Variants in PTPRE observed in about 807,000 individuals in gnomAD.
PTPRE encodes receptor-type tyrosine-protein phosphatase epsilon.
A neutral mutation model predicts 102.0 loss-of-function variants in PTPRE; 51 were observed. The observed-to-expected ratio is 0.50, with a 90% CI of 0.40 to 0.63. The LOEUF is 0.63. Ranked by LOEUF, PTPRE falls within the 30% of genes least tolerant of loss-of-function variation. The probability of loss-of-function intolerance (pLI) is 0.00; values close to 1 mark genes in which losing one functional copy is unlikely to be tolerated. For synonymous variants in PTPRE, 345 were observed against 348.2 expected, an observed-to-expected ratio of 0.99 and a Z score of 0.10; for missense variants, 752 against 915.1, an observed-to-expected ratio of 0.82 and a Z score of 2.30.
intron 2 of PTPRE, chr10:127,999,895 C>T (rs889629694): frequency 3.0e-5 from 30 of 985,332 alleles, no homozygotes; most frequent in Non-Finnish European, 3.6e-5. Flanking sequence ...GCCCAGGAGA[C>T]TCCAGTGCTG....
At chr10:128,031,142 G>A (rs11016020) in intron 2 of PTPRE, among the ~76,000 whole-genome samples, 27,801 of 152,240 alleles carry the variant, frequency 0.18, 2,853 homozygotes, top group East Asian at 0.37. Flanking sequence ...CCAACCAGCA[G>A]GTACTCTTGA....
At chr10:128,014,462 G>A (rs1238986885) in intron 2 of PTPRE, among the ~76,000 whole-genome samples, 1 of 152,108 alleles carries the variant, frequency 6.6e-6, no homozygotes, top group Admixed American at 6.6e-5. Context: ...ACACACCCCT[G>A]TTGGGCTGGG....
At chr10:127,918,858 T>C (rs898563038) in intron 1 of PTPRE, among the ~76,000 whole-genome samples, 2 of 152,066 alleles carry the variant, frequency 1.3e-5, no homozygotes, top group African/African-American at 4.8e-5. Context: ...TTTTGCAAAA[T>C]TGCAAAGAAC....
chr10:128,031,963 T>A (rs1435327065), intron 2 of PTPRE, among the ~76,000 whole-genome samples: 1 of 152,114 alleles, frequency 6.6e-6, no homozygotes, highest in Non-Finnish European at 1.5e-5. Flanking sequence ...TATCCCTGTG[T>A]CCTGTCCACT....
rs1422009871 is a variant in PTPRE, at chr10:127,945,394, CA to C, written c.-30-36879del. Among the ~76,000 whole-genome samples the C allele has an allele frequency of 3.3e-5, 5 of 152,312 alleles. No individual in the cohort carries two copies. The East Asian group carries it at 9.7e-4, about 29-fold the overall frequency. On this transcript the variant is annotated intron_variant, in intron 1 of 20. Transcript: ENST00000254667. ...ATATCTGAAGCCCAAGGCAACATGC[CA>C]GCCAGACTTTGGGCTCCTTGCCTGT...
At chr10:128,079,752 T>G in intron 20 of PTPRE, 57 bp downstream of exon 20, 1 of 1,559,474 alleles carries the variant, frequency 6.4e-7, no homozygotes, top group Non-Finnish European at 8.8e-7. Context: ...CATGTTGTAT[T>G]TGATGTATGT....
intron 1 of PTPRE, among the ~76,000 whole-genome samples, chr10:127,937,957 A>C (rs1847952667): frequency 6.6e-6 from 1 of 152,190 alleles, no homozygotes; most frequent in Admixed American, 6.5e-5. Flanking sequence ...GGATATATTC[A>C]TAAAGGTGTA....
chr10:127,920,468 G>A (rs1420122807), intron 1 of PTPRE, among the ~76,000 whole-genome samples: 1 of 152,170 alleles, frequency 6.6e-6, no homozygotes, highest in Non-Finnish European at 1.5e-5. Flanking sequence ...AAGCTCCTAG[G>A]TGGGGGAGTC....
intron 2 of PTPRE, among the ~76,000 whole-genome samples, chr10:128,035,955 T>G (rs1400242091): frequency 6.6e-6 from 1 of 152,084 alleles, no homozygotes; most frequent in East Asian, 1.9e-4. Context: ...CAAATCACCT[T>G]ACACAGGGCC....
At chr10:128,081,586 T>C (rs2136091579) in intron 20 of PTPRE, among the ~76,000 whole-genome samples, 1 of 152,142 alleles carries the variant, frequency 6.6e-6, no homozygotes, top group Middle Eastern at 3.4e-3. Flanking sequence ...AATGTTGCTT[T>C]AAGTTGGAAA....
intron 1 of PTPRE, among the ~76,000 whole-genome samples, chr10:127,917,715 G>T (rs2135161601): frequency 6.6e-6 from 1 of 152,008 alleles, no homozygotes; most frequent in Non-Finnish European, 1.5e-5. Context: ...CATTCTTAGG[G>T]TCTAGACAAT....
chr10:128,035,101 G>A (rs1847100861), intron 2 of PTPRE, among the ~76,000 whole-genome samples: 1 of 152,028 alleles, frequency 6.6e-6, no homozygotes, highest in South Asian at 2.1e-4. Flanking sequence ...TCCCACCTCA[G>A]TCCAGCAAGT....
At chr10:127,960,977 C>A (rs921424730) in intron 1 of PTPRE, among the ~76,000 whole-genome samples, 1 of 150,336 alleles carries the variant, frequency 6.7e-6, no homozygotes, top group African/African-American at 2.5e-5. Flanking sequence ...GCTGAGATAG[C>A]ACCACTGCAG....
In PTPRE at chr10:128,068,257, G is replaced by T; in HGVS notation, c.978G>T (p.Val326=). The T allele has an allele frequency of 1.2e-6, 2 of 1,614,084 alleles. No individual in the cohort carries two copies. The highest frequency in any genetic ancestry group is 1.7e-6 in the Non-Finnish European group (2 of 1,179,964). The part of the protein sequence containing the change: ...FLKKVKTLNP[V]HAGPIVVHCS... ...AGAAAGTAAAGACGCTCAACCCCGT[G>T]CACGCTGGGCCCATCGTGGTCCACT... Residue 326 remains valine (V), a synonymous_variant, in exon 12 of 21, where the codon GTG becomes GTT. Coordinates refer to ENST00000254667, the MANE Select transcript of PTPRE (RefSeq NM_006504.6).
At chr10:128,074,681 A>AT (rs1226280103) in intron 17 of PTPRE, among the ~76,000 whole-genome samples, 2 of 149,258 alleles carry the variant, frequency 1.3e-5, no homozygotes, top group Non-Finnish European at 3.0e-5. Context: ...AAAAAAAAAA[A>AT]GTTTCTTGAA....
At chr10:128,020,258 T>C (rs114309385) in intron 2 of PTPRE, among the ~76,000 whole-genome samples, 1,638 of 152,366 alleles carry the variant, frequency 0.011, 36 homozygotes, top group African/African-American at 0.038. Flanking sequence ...ATACACATTG[T>C]CCATTTGAAC....
chr10:128,047,870 G>A (rs1464338941), intron 5 of PTPRE, 33 bp downstream of exon 5: 1 of 1,536,916 alleles, frequency 6.5e-7, no homozygotes, highest in Non-Finnish European at 8.8e-7. Context: ...GGGGCTTGGG[G>A]GAAAATGTGT....
chr10:128,001,589 G>C (rs190791724), intron 2 of PTPRE, among the ~76,000 whole-genome samples: 1 of 152,140 alleles, frequency 6.6e-6, no homozygotes, highest in South Asian at 2.1e-4. Context: ...ACCCCAGGCC[G>C]ACCCCCAGTA....
In PTPRE at chr10:128,082,918, TTAAAA is replaced by T. The variant is rs760345993; in HGVS notation, c.*15_*19del. The T allele has an allele frequency of 1.0e-5, 16 of 1,537,806 alleles. No individual in the cohort carries two copies. Among genetic ancestry groups the T allele is most frequent in the Non-Finnish European group, 1.4e-5 (16 of 1,149,312 alleles). ...CTAATTTCAAATGAAGATTCCTGCC[TTAAAA>T]TATTTTTTAATTTAATGGTCAGTAT... On this transcript the variant is annotated 3_prime_UTR_variant, in exon 21 of 21. Transcript: ENST00000254667.
Sources: gnomAD v4.1 joint callset for allele counts (sites outside exome capture counted in the v4.1 genomes callset) on GRCh38, gnomAD v4.1.1 for gene constraint, MANE v1.5 for transcripts, NCBI Gene and HGNC (gene_info 2026-07-23, HGNC 2026-07-21) for gene names.